The following ABCB1 variants were observed in gnomAD, a reference collection of about 807,000 sequenced individuals.
ABCB1 encodes ATP binding cassette subfamily B member 1, also known as ATP-dependent translocase ABCB1.
In ABCB1, 69 loss-of-function variants were observed where a neutral mutation model predicts 142.0. The ratio of observed to expected loss-of-function variants is 0.49; its 90% CI spans 0.40 to 0.59. The LOEUF is 0.59. Ranked by LOEUF, ABCB1 falls within the 20% of genes least tolerant of loss-of-function variation. ABCB1 has a pLI of 0.00. For synonymous variants in ABCB1, 532 were observed against 539.2 expected, an observed-to-expected ratio of 0.99 and a Z score of 0.18; for missense variants, 1,326 against 1,554.7, an observed-to-expected ratio of 0.85 and a Z score of 2.47.
chr7:87,577,684 GA>G (rs1351042253), intron 4 of ABCB1, among the ~76,000 whole-genome samples: 2 of 152,174 alleles, frequency 1.3e-5, no homozygotes, highest in Non-Finnish European at 2.9e-5. Flanking sequence ...CAATGATGTT[GA>G]GCATATTTTC....
At chr7:87,693,802 A>T (rs1828230841) in intron 1 of ABCB1, 3 of 1,057,026 alleles carry the variant, frequency 2.8e-6, no homozygotes, top group African/African-American at 3.2e-5. Context: ...TACTGCTTCA[A>T]AATTATATGT....
chr7:87,505,620 C>T (rs1814697128), intron 27 of ABCB1, among the ~76,000 whole-genome samples: 1 of 152,170 alleles, frequency 6.6e-6, no homozygotes, highest in South Asian at 2.1e-4. Flanking sequence ...AGAGATGCTG[C>T]CAGTAGAAGT....
At chr7:87,644,953 T>C (rs1191779064) in intron 1 of ABCB1, among the ~76,000 whole-genome samples, 1 of 152,092 alleles carries the variant, frequency 6.6e-6, no homozygotes, top group Non-Finnish European at 1.5e-5. Flanking sequence ...TAATGTAATA[T>C]GGATGTAATT....
At chr7:87,575,203 A>G (rs1407456839) in intron 4 of ABCB1, among the ~76,000 whole-genome samples, 1 of 152,240 alleles carries the variant, frequency 6.6e-6, no homozygotes, top group Non-Finnish European at 1.5e-5. Flanking sequence ...AGTAACTTTA[A>G]TAACTGAACA....
At chr7:87,683,922 T>G (rs1301213447) in intron 1 of ABCB1, among the ~76,000 whole-genome samples, 1 of 152,198 alleles carries the variant, frequency 6.6e-6, no homozygotes, top group African/African-American at 2.4e-5. Flanking sequence ...GTACACCTCA[T>G]GGACACAGAC....
chr7:87,701,524 T>G (rs1480702633), intron 1 of ABCB1, among the ~76,000 whole-genome samples: 2 of 152,206 alleles, frequency 1.3e-5, no homozygotes, highest in Non-Finnish European at 2.9e-5. Context: ...AAATGATCAG[T>G]TCGTGGAATT....
intron 1 of ABCB1, among the ~76,000 whole-genome samples, chr7:87,641,320 A>C (rs1415042491): frequency 6.6e-6 from 1 of 152,162 alleles, no homozygotes; most frequent in African/African-American, 2.4e-5. Context: ...AGTGTAGGTT[A>C]ATGACCACTT....
chr7:87,671,199 C>A (rs567395332), intron 1 of ABCB1, among the ~76,000 whole-genome samples: 1 of 152,094 alleles, frequency 6.6e-6, no homozygotes, highest in Non-Finnish European at 1.5e-5. Flanking sequence ...CTGTGGGAGA[C>A]GTACTGGCCT....
At chr7:87,640,553 C>A (rs1822337074) in intron 1 of ABCB1, among the ~76,000 whole-genome samples, 1 of 152,154 alleles carries the variant, frequency 6.6e-6, no homozygotes. Context: ...CTATGTTGCC[C>A]AGGGTGGTCT....
At chr7:87,619,265 C>T (rs946559985) in intron 1 of ABCB1, among the ~76,000 whole-genome samples, 1 of 152,072 alleles carries the variant, frequency 6.6e-6, no homozygotes, top group African/African-American at 2.4e-5. Context: ...CTTGGCTGGG[C>T]ACAGTGGCTC....
intron 1 of ABCB1, among the ~76,000 whole-genome samples, chr7:87,626,907 CTGCCACTACAGGCGCG>C (rs1820695573): frequency 6.6e-6 from 1 of 152,032 alleles, no homozygotes; most frequent in Non-Finnish European, 1.5e-5. Flanking sequence ...TACCGAGTAG[CTGCCACTACAGGCGCG>C]TGCCACCACA....
At position 87,572,891 on chromosome 7, in the gene ABCB1, T is replaced by C. The variant is rs140257209; in HGVS notation, c.287-2668A>G. ...AGGGAAACAACACACACTGGAGACT[T>C]TTGGAGTGTGGAGGGTGGGGGGAGG... On this transcript the variant is annotated intron_variant, in intron 4 of 27. Coordinates refer to ENST00000622132, the MANE Select transcript of ABCB1 (RefSeq NM_001348946.2). 3.0e-5 allele frequency among the ~76,000 whole-genome samples: 3 copies of C among 100,310 alleles called. 1 individual carries two copies. The East Asian group carries it at 1.0e-3, about 35-fold the overall frequency. The allele number at this position is 100,310 out of a possible 152,430, so 65.8% of individuals were successfully genotyped here.
At chr7:87,615,447 G>A (rs1023974172) in intron 1 of ABCB1, among the ~76,000 whole-genome samples, 4 of 152,188 alleles carry the variant, frequency 2.6e-5, no homozygotes, top group South Asian at 2.1e-4. Flanking sequence ...TGAGGACTTC[G>A]TCACTCTGAG....
rs1291504646 is a variant in ABCB1, at chr7:87,550,214, G to A, written c.1307C>T (p.Thr436Ile). 6.2e-7 allele frequency: 1 copy of A among 1,614,188 alleles called. No homozygotes were observed. Among genetic ancestry groups the A allele is most frequent in the Admixed American group, 1.7e-5 (1 of 60,028 alleles). ...VGNSGCGKST[T>I]VQLMQRLYDP... is the part of the protein sequence containing the mutation. ...ATAGAGCCTCTGCATCAGCTGGACT[G>A]TTGTGCTCTTCCCACAGCCACTGTT... The change falls in exon 12 of 28, where the codon ACA (threonine) becomes ATA (isoleucine). Residue 436 changes from threonine to isoleucine, a missense_variant. By Grantham distance (89) the Thr-to-Ile change is moderately conservative. Transcript: ENST00000622132.
chr7:87,582,618 A>G (rs902898702), intron 4 of ABCB1, among the ~76,000 whole-genome samples: 11 of 152,196 alleles, frequency 7.2e-5, no homozygotes, highest in African/African-American at 2.4e-4. Context: ...GATAGTAAAT[A>G]TCTTAGGCTC....
At chr7:87,505,841 C>T (rs1584826171) in intron 27 of ABCB1, 56 bp downstream of exon 27, 2 of 1,600,542 alleles carry the variant, frequency 1.2e-6, no homozygotes, top group South Asian at 1.1e-5. Context: ...ATGGAGAATA[C>T]AGCATTTTTA....
At chr7:87,659,486 T>A (rs933937993) in intron 1 of ABCB1, among the ~76,000 whole-genome samples, 14 of 152,188 alleles carry the variant, frequency 9.2e-5, no homozygotes, top group African/African-American at 3.4e-4. Flanking sequence ...CCCTTTATTC[T>A]ACCCTGTGTG....
chr7:87,551,846 T>C (rs959981599), intron 9 of ABCB1, among the ~76,000 whole-genome samples: 27 of 152,224 alleles, frequency 1.8e-4, no homozygotes, highest in African/African-American at 5.3e-4. Flanking sequence ...TCTAGTTTTT[T>C]TTTTATTTAG....
chr7:87,600,030 T>C, intron 2 of ABCB1, 87 bp downstream of exon 2: 1 of 1,247,716 alleles, frequency 8.0e-7, no homozygotes, highest in African/African-American at 1.5e-5. Flanking sequence ...AACAACAACA[T>C]GTCATTTATT....
Sources: allele counts gnomAD v4.1 joint callset (sites outside exome capture counted in the v4.1 genomes callset), GRCh38; gene constraint gnomAD v4.1.1; transcripts MANE v1.5; gene names NCBI Gene and HGNC (gene_info 2026-07-23, HGNC 2026-07-21).